Variants in ZMYM2 observed in about 807,000 individuals in gnomAD.
ZMYM2 encodes the protein zinc finger MYM-type containing 2.
Under a neutral mutation model 162.8 loss-of-function variants are expected in ZMYM2, and 56 were observed. The observed-to-expected ratio is 0.34, with a 90% CI of 0.28 to 0.43. The LOEUF (loss-of-function observed/expected upper bound fraction) is 0.43, where lower values mean the gene tolerates loss of function less well. Among genes scored for constraint, ZMYM2 ranks in the 20% least tolerant of loss-of-function variants. ZMYM2 has a pLI of 1.00. For missense variants in ZMYM2, 1,275 were observed against 1,621.8 expected, an observed-to-expected ratio of 0.79 and a Z score of 3.67; for synonymous variants, 510 against 541.6, an observed-to-expected ratio of 0.94 and a Z score of 0.81.
intron 21 of ZMYM2, among the ~76,000 whole-genome samples, chr13:20,069,652 A>G (rs968385954): frequency 1.2e-4 from 18 of 152,036 alleles, no homozygotes; most frequent in Admixed American, 3.3e-4. Context: ...AAACCAGCCT[A>G]GCATTCTTGG....
chr13:19,903,410 CG>C, the ZMYM2 span, among the ~76,000 whole-genome samples: 1 of 135,036 alleles, frequency 7.4e-6, no homozygotes, highest in Non-Finnish European at 1.5e-5. Flanking sequence ...GAGGCTGAGG[CG>C]GGCGGATCAC....
At chr13:19,882,317 C>A in the ZMYM2 span, among the ~76,000 whole-genome samples, 2 of 152,206 alleles carry the variant, frequency 1.3e-5, no homozygotes, top group East Asian at 3.9e-4. Flanking sequence ...AGAACTCTTA[C>A]AACTCAATGA....
At chr13:20,061,320 A>G in intron 17 of ZMYM2, 96 bp downstream of exon 17, 1 of 1,366,662 alleles carries the variant, frequency 7.3e-7, no homozygotes, top group Non-Finnish European at 9.8e-7. Flanking sequence ...ATTTTGTTTC[A>G]ACTTATGTGG....
rs749186970 is a variant in ZMYM2, at chr13:20,067,382, A to T, written c.3445A>T (p.Ile1149Leu). The T allele has an allele frequency of 6.2e-7, 1 of 1,603,724 alleles. No homozygotes were observed. The highest frequency in any genetic ancestry group is 1.1e-5 in the South Asian group (1 of 89,268). ...CAGCATCTATTACCTTTGCCTTGGAATACAGGAGGTTAGTAATTTGATGGC... is the reference window on the plus strand; with the variant it reads ...CAGCATCTATTACCTTTGCCTTGGATTACAGGAGGTTAGTAATTTGATGGC... ...PDSIYYLCLG[I>L]QEYLCGSNRK... The change falls in exon 21 of 25, where the codon ATA (isoleucine) becomes TTA (leucine). Residue 1149 changes from isoleucine (I) to leucine (L), a missense_variant. Ile to Leu is a conservative substitution (Grantham distance 5). Around this residue, in one of 10 missense-constraint regions of ZMYM2, gnomAD observed 103 missense variants for 192.2 expected, o/e 0.54. Transcript: ENST00000610343.
chr13:19,885,918 CAT>C, the ZMYM2 span, among the ~76,000 whole-genome samples: 13 of 47,470 alleles, frequency 2.7e-4, 3 homozygotes, highest in Non-Finnish European at 3.5e-4. Context: ...TGTATATACA[CAT>C]ATATATGTGT....
At position 20,036,752 on chromosome 13, in the gene ZMYM2, A is replaced by G. The variant is rs1232377145; in HGVS notation, c.2135A>G (p.Tyr712Cys). Residue 712 changes from tyrosine to cysteine, a missense_variant, in exon 12 of 25, where the codon TAC becomes TGC. Coordinates refer to ENST00000610343, the MANE Select transcript of ZMYM2 (RefSeq NM_197968.4). ...PFCSEGCKLL[Y>C]KQDFARRLGL... ...TATTTTTCAGGCTGCAAATTATTAT[A>G]CAAACAGGATTTTGCCAGACGTTTA... 1 of 1,554,890 alleles carries G rather than the reference A, an allele frequency of 6.4e-7. No individual in the cohort carries two copies. Among genetic ancestry groups the G allele is most frequent in the Non-Finnish European group, 8.7e-7 (1 of 1,153,192 alleles).
intron 12 of ZMYM2, among the ~76,000 whole-genome samples, chr13:20,044,804 C>G (rs931083128): frequency 1.3e-4 from 19 of 151,776 alleles, no homozygotes; most frequent in African/African-American, 4.4e-4. Context: ...AATCCCAGCA[C>G]TTTGGGAGGC....
the ZMYM2 span, among the ~76,000 whole-genome samples, chr13:19,871,424 T>A: frequency 2.6e-5 from 4 of 152,150 alleles, no homozygotes; most frequent in African/African-American, 7.2e-5. Context: ...ATTTTTATTT[T>A]TATTTTCATT....
At chr13:20,033,903 T>C (rs1328119190) in intron 10 of ZMYM2, among the ~76,000 whole-genome samples, 1 of 152,226 alleles carries the variant, frequency 6.6e-6, no homozygotes, top group Non-Finnish European at 1.5e-5. Flanking sequence ...ACTGAAAATA[T>C]TATTAGTGCC....
chr13:19,899,698 T>A, the ZMYM2 span, among the ~76,000 whole-genome samples: 1 of 150,268 alleles, frequency 6.7e-6, no homozygotes, highest in East Asian at 2.0e-4. Context: ...GCACCTGTAA[T>A]CCCAGCTACT....
chr13:19,885,847 CAAAAA>C, the ZMYM2 span, among the ~76,000 whole-genome samples: 297 of 22,910 alleles, frequency 0.013, 46 homozygotes, highest in East Asian at 0.074. Context: ...AACTCTGTCT[CAAAAA>C]AAAAAAAAAA....
intron 3 of ZMYM2, among the ~76,000 whole-genome samples, chr13:19,999,320 T>C (rs1045840137): frequency 6.6e-6 from 1 of 152,228 alleles, no homozygotes; most frequent in Admixed American, 6.5e-5. Flanking sequence ...CAACATCATG[T>C]GGTCACTTCG....
chr13:20,052,555 G>T (rs1439589193), intron 14 of ZMYM2, among the ~76,000 whole-genome samples: 1 of 152,102 alleles, frequency 6.6e-6, no homozygotes, highest in Non-Finnish European at 1.5e-5. Flanking sequence ...TGATATTTGA[G>T]TTGACGGATG....
At position 20,084,985 on chromosome 13, in the gene ZMYM2, C is replaced by T. The variant is rs546721324; in HGVS notation, c.3942-837C>T. On this transcript the variant is annotated intron_variant, in intron 24 of 24. Coordinates refer to ENST00000610343, the MANE Select transcript of ZMYM2 (RefSeq NM_197968.4). Reference sequence around the variant, plus strand: ...ATTTTTTCGGATTTTGGAATATTTGCATATACATTATAAGATGTCTTAGGG... The same window carrying T: ...ATTTTTTCGGATTTTGGAATATTTGTATATACATTATAAGATGTCTTAGGG... 3.3e-5 allele frequency among the ~76,000 whole-genome samples: 5 copies of T among 152,288 alleles called. No individual in the cohort carries two copies. The South Asian group carries it at 1.0e-3, about 32-fold the overall frequency.
At chr13:20,062,310 T>A (rs970108079) in intron 17 of ZMYM2, among the ~76,000 whole-genome samples, 1 of 152,224 alleles carries the variant, frequency 6.6e-6, no homozygotes, top group East Asian at 1.9e-4. Context: ...AACCAGTGTG[T>A]ATACAGATGT....
At chr13:19,977,133 C>T (rs57881877) in intron 2 of ZMYM2, among the ~76,000 whole-genome samples, 11,719 of 152,138 alleles carry the variant, frequency 0.077, 1,370 homozygotes, top group African/African-American at 0.25. Flanking sequence ...GTTTTCTATC[C>T]TAACAGAAAA....
At position 19,993,135 on chromosome 13, in the gene ZMYM2, T is replaced by C; in HGVS notation, c.63T>C (p.Ser21=). The C allele has an allele frequency of 6.2e-7, 1 of 1,613,986 alleles. No individual in the cohort carries two copies. Among genetic ancestry groups the C allele is most frequent in the Non-Finnish European group, 8.5e-7 (1 of 1,179,982 alleles). The change falls in exon 3 of 25, where the codon AGT becomes AGC. Residue 21 remains serine, a synonymous_variant. Transcript: ENST00000610343. ...LTDQTPVLLG[S]TAMATSLTNV... ...ATCAGACTCCTGTTTTATTAGGGAG[T>C]ACGGCCATGGCAACTAGTCTCACGA...
chr13:19,969,969 C>A, intron 2 of ZMYM2: 1 of 877,632 alleles, frequency 1.1e-6, no homozygotes, highest in Non-Finnish European at 1.4e-6. Context: ...TGAAGTCTAC[C>A]TTATTGGATC....
At chr13:20,065,473 A>G (rs1956603107) in intron 19 of ZMYM2, among the ~76,000 whole-genome samples, 1 of 152,126 alleles carries the variant, frequency 6.6e-6, no homozygotes, top group African/African-American at 2.4e-5. Flanking sequence ...TCAAAATTAA[A>G]AACTTTTGCA....
Sources: allele counts gnomAD v4.1 joint callset (sites outside exome capture counted in the v4.1 genomes callset), GRCh38; gene constraint gnomAD v4.1.1; regional missense constraint gnomAD v4.1.1; transcripts MANE v1.5; gene names NCBI Gene and HGNC (gene_info 2026-07-23, HGNC 2026-07-21).